The following GPC5 variants were observed in gnomAD, a reference collection of about 807,000 sequenced individuals.
GPC5 encodes the protein glypican 5, also known as glypican-5.
A neutral mutation model predicts 53.9 loss-of-function variants in GPC5; 47 were observed. The observed-to-expected ratio is 0.87, with a 90% confidence interval of 0.69 to 1.11. GPC5 has a LOEUF of 1.11. GPC5 is among the 50% of genes most tolerant of loss of function. The pLI, the probability that GPC5 is intolerant of heterozygous loss-of-function variation, is 0.00. For synonymous variants in GPC5, 286 were observed against 263.3 expected (o/e 1.09, Z -0.84); for missense variants, 748 against 713.1 (o/e 1.05, Z -0.56).
chr13:91,490,997 A>G (rs1277851999), intron 2 of GPC5, among the ~76,000 whole-genome samples: 3 of 152,098 alleles, frequency 2.0e-5, no homozygotes, highest in Admixed American at 2.0e-4. Context: ...AATGAAAATC[A>G]TATTCTGCTT....
At chr13:92,519,449 A>C (rs995044213) in intron 7 of GPC5, among the ~76,000 whole-genome samples, 1 of 152,264 alleles carries the variant, frequency 6.6e-6, no homozygotes, top group Non-Finnish European at 1.5e-5. Context: ...CAGTGCAATC[A>C]AACTAGAACT....
At chr13:92,275,496 C>A (rs1035468149) in intron 7 of GPC5, among the ~76,000 whole-genome samples, 1 of 152,080 alleles carries the variant, frequency 6.6e-6, no homozygotes, top group Non-Finnish European at 1.5e-5. Context: ...AAGATAATAT[C>A]CTTGCAAACT....
chr13:91,545,258 T>C (rs879291827), intron 2 of GPC5, among the ~76,000 whole-genome samples: 4 of 152,248 alleles, frequency 2.6e-5, no homozygotes, highest in Admixed American at 6.5e-5. Context: ...CTCATGTCTG[T>C]AAATCTTTAT....
chr13:92,371,734 C>G (rs1310137374), intron 7 of GPC5, among the ~76,000 whole-genome samples: 1 of 152,156 alleles, frequency 6.6e-6, no homozygotes, highest in Non-Finnish European at 1.5e-5. Context: ...ACGAGAATAG[C>G]ATGGAGGAAA....
At chr13:91,852,787 C>T (rs2038928775) in intron 5 of GPC5, among the ~76,000 whole-genome samples, 1 of 152,090 alleles carries the variant, frequency 6.6e-6, no homozygotes, top group African/African-American at 2.4e-5. Flanking sequence ...CTTTAAGGGA[C>T]CCACTGTGGT....
At chr13:92,222,499 C>G (rs2042456940) in intron 7 of GPC5, among the ~76,000 whole-genome samples, 1 of 152,126 alleles carries the variant, frequency 6.6e-6, no homozygotes, top group Non-Finnish European at 1.5e-5. Flanking sequence ...CTATCAGGAA[C>G]ATTAGAGGAA....
intron 2 of GPC5, among the ~76,000 whole-genome samples, chr13:91,520,951 G>A (rs1398408803): frequency 2.6e-5 from 4 of 151,888 alleles, no homozygotes; most frequent in East Asian, 1.9e-4. Context: ...TGAGATTTGG[G>A]CATTTCAATT....
At chr13:92,653,542 C>T (rs1183270180) in intron 7 of GPC5, among the ~76,000 whole-genome samples, 1 of 152,138 alleles carries the variant, frequency 6.6e-6, no homozygotes, top group East Asian at 1.9e-4. Context: ...AAATAGAAAG[C>T]ATATTCAAAG....
chr13:91,609,974 C>T (rs1429664080), intron 2 of GPC5, among the ~76,000 whole-genome samples: 4 of 152,112 alleles, frequency 2.6e-5, no homozygotes, highest in East Asian at 1.9e-4. Flanking sequence ...TGTGTACATT[C>T]GTTATATGGA....
chr13:91,543,256 G>A (rs2030068819), intron 2 of GPC5, among the ~76,000 whole-genome samples: 1 of 152,058 alleles, frequency 6.6e-6, no homozygotes, highest in African/African-American at 2.4e-5. Flanking sequence ...GCCTCCCAAA[G>A]TTCTGGGATT....
intron 7 of GPC5, among the ~76,000 whole-genome samples, chr13:92,277,772 CAAGTTCTACATTAATATGTGAAA>C (rs1026389389): frequency 6.6e-6 from 1 of 151,762 alleles, no homozygotes; most frequent in African/African-American, 2.4e-5. Flanking sequence ...CTAGTAGAAA[CAAGTTCTACATTAATATGTGAAA>C]AAGTGTTAAT....
intron 7 of GPC5, among the ~76,000 whole-genome samples, chr13:92,676,455 C>T (rs954645086): frequency 1.3e-5 from 2 of 151,994 alleles, no homozygotes; most frequent in Non-Finnish European, 2.9e-5. Flanking sequence ...TTTTAATTAA[C>T]TAGAAAAGTC....
At chr13:91,504,969 GCAAACAAC>G (rs770496013) in intron 2 of GPC5, among the ~76,000 whole-genome samples, 23 of 151,820 alleles carry the variant, frequency 1.5e-4, no homozygotes, top group Non-Finnish European at 3.1e-4. Context: ...AAACAAACAA[GCAAACAAC>G]CAAACAGAAA....
At chr13:92,460,037 C>T (rs979154968) in intron 7 of GPC5, among the ~76,000 whole-genome samples, 3 of 151,902 alleles carry the variant, frequency 2.0e-5, no homozygotes, top group African/African-American at 7.3e-5. Flanking sequence ...TTAAGTCCTT[C>T]AAGGAGAAGT....
chr13:92,500,273 A>C (rs1286792250), intron 7 of GPC5, among the ~76,000 whole-genome samples: 1 of 152,128 alleles, frequency 6.6e-6, no homozygotes, highest in Non-Finnish European at 1.5e-5. Flanking sequence ...TCTGGCTGAG[A>C]ATCCAGACCA....
chr13:91,502,421 C>A (rs1003613918), intron 2 of GPC5, among the ~76,000 whole-genome samples: 1 of 152,074 alleles, frequency 6.6e-6, no homozygotes, highest in African/African-American at 2.4e-5. Flanking sequence ...TTGCTCACTC[C>A]CTTTGTTTAA....
intron 7 of GPC5, among the ~76,000 whole-genome samples, chr13:92,268,594 A>G (rs1194561426): frequency 6.6e-6 from 1 of 151,450 alleles, no homozygotes; most frequent in African/African-American, 2.4e-5. Context: ...TTTTGCTATT[A>G]TACACGCTCA....
intron 7 of GPC5, among the ~76,000 whole-genome samples, chr13:92,162,010 G>C (rs9560949): frequency 1.0e-5 from 1 of 99,766 alleles, no homozygotes; most frequent in Non-Finnish European, 2.0e-5. Flanking sequence ...ACTAAATGTA[G>C]TTCTCTGGTT....
At chr13:92,773,860 G>C (rs1875699212) in intron 7 of GPC5, among the ~76,000 whole-genome samples, 1 of 152,194 alleles carries the variant, frequency 6.6e-6, no homozygotes. Flanking sequence ...AAGAAAAGAA[G>C]TTTAATGAAC....
Sources: allele counts gnomAD v4.1 joint callset (sites outside exome capture counted in the v4.1 genomes callset), GRCh38; gene constraint gnomAD v4.1.1; transcripts MANE v1.5; gene names NCBI Gene and HGNC (gene_info 2026-07-23, HGNC 2026-07-21).